CALN1: variants seen among roughly 807,000 people sequenced by gnomAD.
CALN1 encodes the protein calcium-binding protein 8.
CALN1 carries 17 observed loss-of-function variants against 30.6 expected under a neutral mutation model. That is an observed-to-expected ratio of 0.56 (90% CI 0.38 to 0.83). CALN1 has a LOEUF of 0.83. CALN1 is among the 40% of genes least tolerant of loss of function. The pLI is 0.00. For synonymous variants in CALN1, 156 were observed against 131.4 expected (o/e 1.19, Z -1.28); for missense variants, 291 against 354.9 (o/e 0.82, Z 1.45).
At position 72,346,841 on chromosome 7, in the gene CALN1, T is replaced by A. The variant is rs995575301; in HGVS notation, c.119+56410A>T. Among the ~76,000 whole-genome samples, 12 of 152,118 alleles carry A rather than the reference T, an allele frequency of 7.9e-5. 1 individual carries two copies. Among genetic ancestry groups the A allele is most frequent in the Admixed American group, 7.9e-4 (12 of 15,270 alleles). Reference sequence around the variant, plus strand: ...AAATTTGTTTATTTTTAACACAGAATAAAGTAGCAATTCTGGAACCCATCA... The same window carrying A: ...AAATTTGTTTATTTTTAACACAGAAAAAAGTAGCAATTCTGGAACCCATCA... On this transcript the variant is annotated intron_variant, in intron 2 of 6. Transcript: ENST00000395275.
At chr7:71,912,041 G>T (rs564344632) in intron 5 of CALN1, among the ~76,000 whole-genome samples, 1 of 151,930 alleles carries the variant, frequency 6.6e-6, no homozygotes, top group Non-Finnish European at 1.5e-5. Flanking sequence ...TTTCCTCTCT[G>T]CAAAGCTAAC....
intron 2 of CALN1, among the ~76,000 whole-genome samples, chr7:72,381,452 G>A (rs553065410): frequency 3.5e-4 from 53 of 152,276 alleles, no homozygotes; most frequent in African/African-American, 1.2e-3. Context: ...CCCATGAATG[G>A]TAGACTGGAT....
At chr7:72,472,760 C>T in the CALN1 span, among the ~76,000 whole-genome samples, 10 of 152,136 alleles carry the variant, frequency 6.6e-5, no homozygotes, top group East Asian at 1.2e-3. Context: ...CCAGCCTGAG[C>T]GACAGAGGGA....
At chr7:72,169,010 T>G (rs1254983685) in intron 3 of CALN1, among the ~76,000 whole-genome samples, 1 of 152,038 alleles carries the variant, frequency 6.6e-6, no homozygotes, top group Admixed American at 6.6e-5. Context: ...TTTACCATGT[T>G]GACCAGGCTG....
intron 3 of CALN1, among the ~76,000 whole-genome samples, chr7:72,204,729 G>C (rs1791703556): frequency 6.6e-6 from 1 of 152,122 alleles, no homozygotes; most frequent in African/African-American, 2.4e-5. Context: ...AAAGACTTTA[G>C]AACAATCCCT....
At chr7:72,291,905 C>A (rs543756686) in intron 2 of CALN1, among the ~76,000 whole-genome samples, 1 of 151,984 alleles carries the variant, frequency 6.6e-6, no homozygotes, top group Non-Finnish European at 1.5e-5. Flanking sequence ...AGCCACCGAG[C>A]CTGACCATAT....
At chr7:72,425,020 C>T (rs1240864131) in intron 1 of CALN1, among the ~76,000 whole-genome samples, 2 of 152,148 alleles carry the variant, frequency 1.3e-5, no homozygotes, top group East Asian at 1.9e-4. Flanking sequence ...AATCCACAGG[C>T]TCTAGGACTC....
chr7:72,276,287 A>AATGTCT (rs1562827364), intron 3 of CALN1, among the ~76,000 whole-genome samples: 1 of 152,086 alleles, frequency 6.6e-6, no homozygotes, highest in Admixed American at 6.5e-5. Flanking sequence ...CACCTGCCCT[A>AATGTCT]ATGTCTATTC....
chr7:72,034,180 C>T (rs1185213219), intron 4 of CALN1, among the ~76,000 whole-genome samples: 2 of 151,508 alleles, frequency 1.3e-5, no homozygotes, highest in Non-Finnish European at 2.9e-5. Context: ...GGTGGAACCC[C>T]GTCTCTACTA....
intron 5 of CALN1, among the ~76,000 whole-genome samples, chr7:71,860,080 A>G (rs1791182422): frequency 1.3e-5 from 2 of 152,134 alleles, no homozygotes; most frequent in Admixed American, 6.5e-5. Flanking sequence ...GTAGTAGAGC[A>G]TATCTCCCAG....
upstream of CALN1, among the ~76,000 whole-genome samples, chr7:72,452,115 T>C (rs2129564756): frequency 6.6e-6 from 1 of 152,262 alleles, no homozygotes; most frequent in Admixed American, 6.5e-5. Context: ...ATTCTGCTTG[T>C]TGTCTGGTTA....
chr7:72,192,461 C>T (rs1041701120), intron 3 of CALN1, among the ~76,000 whole-genome samples: 17 of 152,096 alleles, frequency 1.1e-4, no homozygotes, highest in Admixed American at 9.8e-4. Context: ...GGATTTTATA[C>T]AGCAGGCAAT....
chr7:72,017,176 A>AC (rs1800443428), intron 5 of CALN1, among the ~76,000 whole-genome samples: 1 of 133,054 alleles, frequency 7.5e-6, no homozygotes, highest in Non-Finnish European at 1.7e-5. Flanking sequence ...AAATTAAAAA[A>AC]AAAAAAAAAA....
intron 2 of CALN1, among the ~76,000 whole-genome samples, chr7:72,331,016 A>G (rs1009963616): frequency 6.6e-6 from 1 of 152,104 alleles, no homozygotes; most frequent in Non-Finnish European, 1.5e-5. Context: ...CATCACTGTC[A>G]CTGTCTTTTA....
intron 3 of CALN1, among the ~76,000 whole-genome samples, chr7:72,201,221 A>C (rs1279778406): frequency 2.6e-5 from 4 of 152,216 alleles, no homozygotes; most frequent in Non-Finnish European, 4.4e-5. Flanking sequence ...TAAGAACTAA[A>C]TATTAGGTAC....
intron 5 of CALN1, among the ~76,000 whole-genome samples, chr7:72,019,476 A>G (rs1032689500): frequency 5.3e-5 from 8 of 152,206 alleles, no homozygotes; most frequent in African/African-American, 1.9e-4. Context: ...GTCCAACTTG[A>G]TAGCTAGGGC....
intron 2 of CALN1, among the ~76,000 whole-genome samples, chr7:72,359,820 A>C (rs1330543372): frequency 6.6e-6 from 1 of 151,106 alleles, no homozygotes; most frequent in Admixed American, 6.6e-5. Context: ...CTAAAAATAC[A>C]AAAAAAATTA....
chr7:72,258,932 T>G (rs995128999), intron 3 of CALN1, among the ~76,000 whole-genome samples: 9 of 149,918 alleles, frequency 6.0e-5, no homozygotes, highest in African/African-American at 2.0e-4. Context: ...AGAAAGAAAA[T>G]TAGCCAGGCA....
chr7:72,477,499 C>G, the CALN1 span, among the ~76,000 whole-genome samples: 1 of 152,142 alleles, frequency 6.6e-6, no homozygotes, highest in Admixed American at 6.5e-5. Context: ...CTCACTACAG[C>G]CTTGAACTCC....
Sources: gnomAD v4.1 joint callset for allele counts (sites outside exome capture counted in the v4.1 genomes callset) on GRCh38, gnomAD v4.1.1 for gene constraint, MANE v1.5 for transcripts, NCBI Gene and HGNC (gene_info 2026-07-23, HGNC 2026-07-21) for gene names.